CFAP97D2: variants seen among roughly 807,000 people sequenced by gnomAD.
CFAP97D2 encodes CFAP97 domain containing 2.
At chr13:114,217,826 C>T (rs2081002452) in intron 4 of CFAP97D2, among the ~76,000 whole-genome samples, 1 of 152,134 alleles carries the variant, frequency 6.6e-6, no homozygotes, top group South Asian at 2.1e-4. Flanking sequence ...AATTCAACAG[C>T]CCTTCATGCT....
chr13:114,221,580 A>G (rs1999080), intron 4 of CFAP97D2, among the ~76,000 whole-genome samples: 10,403 of 152,258 alleles, frequency 0.068, 612 homozygotes, highest in African/African-American at 0.14. Flanking sequence ...GTCTGCAATC[A>G]AAAGGTAGAT....
intron 4 of CFAP97D2, chr13:114,212,111 CCTT>C: frequency 2.5e-6 from 1 of 398,584 alleles, no homozygotes. Context: ...GGTACCCGCA[CCTT>C]CTTTTTCATC....
At chr13:114,212,998 T>A (rs12583598) in intron 4 of CFAP97D2, among the ~76,000 whole-genome samples, 9,898 of 152,274 alleles carry the variant, frequency 0.065, 536 homozygotes, top group African/African-American at 0.13. Context: ...TAAACTCTCT[T>A]CATTTTATTC....
rs2080855060 is a variant in CFAP97D2, at chr13:114,187,016, A to T, written c.90+7596A>T. ...GCAACACCCTCAAGATTCCCATAAC[A>T]ACACCAATGATAAGGAACAGGAGAG... On this transcript the variant is annotated intron_variant, in intron 1 of 4. Coordinates refer to ENST00000646158, the Ensembl canonical transcript of CFAP97D2. The surrounding 1 kb of genome is among the most constrained non-coding windows in gnomAD (Gnocchi z 4.2). Among the ~76,000 whole-genome samples the T allele has an allele frequency of 6.6e-6, 1 of 152,238 alleles. No individual in the cohort carries two copies. Among genetic ancestry groups the T allele is most frequent in the African/African-American group, 2.4e-5 (1 of 41,462 alleles).
At position 114,211,511 on chromosome 13, in the gene CFAP97D2, G is replaced by A. The variant is rs931191441; in HGVS notation, c.291-401G>A. Among the ~76,000 whole-genome samples, 1 of 152,042 alleles carries A rather than the reference G, an allele frequency of 6.6e-6. No homozygotes were observed. Among genetic ancestry groups the A allele is most frequent in the East Asian group, 1.9e-4 (1 of 5,170 alleles). ...GGGCGCCTGGGTGCTTGCCCTCCCCGCCTGGGACCCTGCTCTCCGCCATGG... is the reference window on the plus strand; with the variant it reads ...GGGCGCCTGGGTGCTTGCCCTCCCCACCTGGGACCCTGCTCTCCGCCATGG... On this transcript the variant is annotated intron_variant, in intron 3 of 4. Coordinates refer to ENST00000646158, the Ensembl canonical transcript of CFAP97D2. This position sits in a 1 kb window ranked among gnomAD's most constrained non-coding sequence, Gnocchi z 4.2.
chr13:114,200,862 C>T (rs1011083277), intron 3 of CFAP97D2, among the ~76,000 whole-genome samples: 7 of 152,208 alleles, frequency 4.6e-5, no homozygotes, highest in African/African-American at 1.7e-4. Flanking sequence ...CAGGCTGTAC[C>T]CCAGCCCTGC....
chr13:114,195,255 T>C (rs9525303), intron 1 of CFAP97D2, among the ~76,000 whole-genome samples: 96,527 of 152,118 alleles, frequency 0.63, 32,261 homozygotes, highest in African/African-American at 0.86. Flanking sequence ...CATGTGACCA[T>C]GTCACTCCTC....
At chr13:114,184,164 G>A (rs189774308) in intron 1 of CFAP97D2, among the ~76,000 whole-genome samples, 12 of 152,218 alleles carry the variant, frequency 7.9e-5, no homozygotes, top group Admixed American at 3.9e-4. Context: ...AAAACCAGCC[G>A]AACAGCCAAA....
At chr13:114,214,254 C>T (rs1301544394) in intron 4 of CFAP97D2, 1 of 141,940 alleles carries the variant, frequency 7.0e-6, no homozygotes, top group Non-Finnish European at 1.5e-5. Context: ...CTGGACATCT[C>T]TTATAGAATC....
At chr13:114,200,251 A>C in intron 2 of CFAP97D2, 74 bp from the exon 3 acceptor site, 1 of 393,582 alleles carries the variant, frequency 2.5e-6, no homozygotes, top group Admixed American at 4.5e-5. Context: ...AGGGCACTCA[A>C]GTCACAGAAA....
At chr13:114,204,600 C>A (rs907382544) in intron 3 of CFAP97D2, among the ~76,000 whole-genome samples, 2 of 152,194 alleles carry the variant, frequency 1.3e-5, no homozygotes, top group Non-Finnish European at 2.9e-5. Flanking sequence ...AGTCTTTCCA[C>A]AAATGCTGAG....
At chr13:114,216,412 G>T (rs991633804) in intron 4 of CFAP97D2, among the ~76,000 whole-genome samples, 1 of 152,112 alleles carries the variant, frequency 6.6e-6, no homozygotes, top group Admixed American at 6.5e-5. Context: ...TCTACGTTAG[G>T]TATATCTCCT....
intron 1 of CFAP97D2, among the ~76,000 whole-genome samples, chr13:114,196,014 C>A (rs1423483965): frequency 6.9e-6 from 1 of 145,842 alleles, no homozygotes; most frequent in Non-Finnish European, 1.5e-5. Context: ...ACCCGGCAGA[C>A]GGAGCTTGCA....
In CFAP97D2 at chr13:114,204,358, G is replaced by A. The variant is rs373229541; in HGVS notation, c.290+3915G>A. ...TGCGTGTTCTGGACCATGAAGAAAG[G>A]CAGACTTGTCGCTTACCTGCTTTAT... On this transcript the variant is annotated intron_variant, in intron 3 of 4. Transcript: ENST00000646158. Among the ~76,000 whole-genome samples, 186 of 152,302 alleles carry A rather than the reference G, an allele frequency of 1.2e-3. 1 individual carries two copies. The highest frequency in any genetic ancestry group is 4.4e-3 in the African/African-American group (181 of 41,564).
chr13:114,209,333 C>T (rs1317279080), intron 3 of CFAP97D2, among the ~76,000 whole-genome samples: 1 of 152,082 alleles, frequency 6.6e-6, no homozygotes, highest in Non-Finnish European at 1.5e-5. Flanking sequence ...TCAATTTGCA[C>T]AATAACACGA....
intron 4 of CFAP97D2, among the ~76,000 whole-genome samples, chr13:114,215,195 G>A (rs2080988218): frequency 6.6e-6 from 1 of 152,120 alleles, no homozygotes; most frequent in Non-Finnish European, 1.5e-5. Flanking sequence ...CCAACCCTGG[G>A]TAGTAAATAT....
At chr13:114,219,579 T>A (rs1412718164) in intron 4 of CFAP97D2, among the ~76,000 whole-genome samples, 1 of 152,222 alleles carries the variant, frequency 6.6e-6, no homozygotes, top group Admixed American at 6.5e-5. Context: ...AGAAAGAGTT[T>A]CCTGCAGCCA....
intron 3 of CFAP97D2, 22 bp downstream of exon 3, chr13:114,200,465 T>A (rs930454507): frequency 2.5e-6 from 1 of 398,506 alleles, no homozygotes; most frequent in Non-Finnish European, 4.4e-6. Context: ...GCTCCTGCCA[T>A]CCCACCCGGC....
chr13:114,185,216 G>A lies in CFAP97D2; in HGVS notation c.90+5796G>A, dbSNP rs1475528191. 1.3e-5 allele frequency among the ~76,000 whole-genome samples: 2 copies of A among 152,240 alleles called. No homozygotes were observed. The highest frequency in any genetic ancestry group is 2.9e-5 in the Non-Finnish European group (2 of 68,036). On this transcript the variant is annotated intron_variant, in intron 1 of 4. Coordinates refer to ENST00000646158, the Ensembl canonical transcript of CFAP97D2. This position sits in a 1 kb window ranked among gnomAD's most constrained non-coding sequence, Gnocchi z 5.2. Reference sequence around the variant, plus strand: ...TCACCGCTCTTGCCTGCTGATGCAGGGAGGGCACAGGAAAGAGGTGAACAG... The same window carrying A: ...TCACCGCTCTTGCCTGCTGATGCAGAGAGGGCACAGGAAAGAGGTGAACAG...
Sources: gnomAD v4.1 joint callset for allele counts (sites outside exome capture counted in the v4.1 genomes callset) on GRCh38, gnomAD v4.1.1 for gene constraint, Gnocchi (gnomAD v3.1) non-coding constraint, MANE v1.5 for transcripts, NCBI Gene and HGNC (gene_info 2026-07-23, HGNC 2026-07-21) for gene names.